PAX3: variants seen among roughly 807,000 people sequenced by gnomAD.
PAX3 encodes paired box 3.
PAX3 carries 14 observed loss-of-function variants against 51.6 expected under a neutral mutation model. That is an observed-to-expected ratio of 0.27 (90% CI 0.18 to 0.42). The LOEUF is 0.42. PAX3 is among the 10% of genes least tolerant of loss of function. The pLI is 1.00. For synonymous variants in PAX3, 280 were observed against 253.4 expected (o/e 1.11, Z -1.00); for missense variants, 540 against 642.8 (o/e 0.84, Z 1.73).
Position 222,294,294 on chromosome 2 carries a change from G to A in PAX3, c.459C>T (p.Ser153=), listed in dbSNP as rs951868879. ...CDRNTVPSVS[S]ISRILRSKFG... is the part of the protein sequence containing the mutation. ...ATTTACTTCTCAGGATGCGGCTGAT[G>A]GAACTCACTGGGGGCGGGAGGAGGA... is the stretch of plus-strand genomic sequence containing the variant. The change falls in exon 4 of 9, where the codon TCC becomes TCT. Residue 153 remains serine (S), a synonymous_variant. Transcript: ENST00000392070. The A allele has an allele frequency of 9.9e-6, 16 of 1,614,074 alleles. No homozygotes were observed. The Admixed American group carries it at 2.0e-4, about 20-fold the overall frequency.
intron 4 of PAX3, among the ~76,000 whole-genome samples, chr2:222,276,122 C>A (rs1342904521): frequency 2.0e-5 from 3 of 152,288 alleles, no homozygotes; most frequent in South Asian, 2.1e-4. Flanking sequence ...CAGGCATAGA[C>A]GAAAGAGGGA....
rs761650816 is a variant in PAX3 at position 222,221,193 on chromosome 2, T to G, written c.958+29A>C. 11 of 1,611,106 alleles carry G rather than the reference T, an allele frequency of 6.8e-6. 1 individual carries two copies. The Admixed American group carries it at 1.5e-4, about 22-fold the overall frequency. ...CCAGAGAAATCGCCTGGAAGTTACT[T>G]TCTAATCTCCTTGACTCTTCCTCGG... On this transcript the variant is annotated intron_variant, in intron 6 of 8. Coordinates refer to ENST00000392070, the MANE Select transcript of PAX3 (RefSeq NM_181458.4).
chr2:222,290,148 A>G (rs536752439), intron 4 of PAX3, among the ~76,000 whole-genome samples: 23 of 152,302 alleles, frequency 1.5e-4, no homozygotes, highest in African/African-American at 5.3e-4. Context: ...CAGTCCCTTA[A>G]TGATAAGAGT....
At chr2:222,260,566 TTTTTTTTTTTTG>T (rs772730396) in intron 4 of PAX3, among the ~76,000 whole-genome samples, 3,626 of 60,198 alleles carry the variant, frequency 0.06, 93 homozygotes, top group African/African-American at 0.11. Context: ...TTTTTTTTTG[TTTTTTTTTTTTG>T]TTTTTTTTTT....
Position 222,221,291 on chromosome 2 carries a change from T to C in PAX3, c.889A>G (p.Thr297Ala). Residue 297 changes from threonine (T) to alanine (A), a missense_variant, in exon 6 of 9, where the codon ACT (threonine) becomes GCT (alanine). This residue lies in a region of PAX3 where 427 missense variants were observed against 483.6 expected (regional missense o/e 0.88). Coordinates refer to ENST00000392070, the MANE Select transcript of PAX3 (RefSeq NM_181458.4). Reference sequence around the variant, plus strand: ...TACGTTGGCAAGGTCGGCATGGCAGTGGGAGGGAACCCCCCGGGAATGAGA... The same window carrying C: ...TACGTTGGCAAGGTCGGCATGGCAGCGGGAGGGAACCCCCCGGGAATGAGA... Reference protein sequence around the residue: ...NHLIPGGFPPTAMPTLPTYQL... With the variant: ...NHLIPGGFPPAAMPTLPTYQL... The C allele has an allele frequency of 3.7e-6, 6 of 1,614,090 alleles. No homozygotes were observed. Among genetic ancestry groups the C allele is most frequent in the Non-Finnish European group, 5.1e-6 (6 of 1,179,950 alleles).
chr2:222,262,378 G>T (rs753882563), intron 4 of PAX3, among the ~76,000 whole-genome samples: 11 of 151,630 alleles, frequency 7.3e-5, no homozygotes, highest in Non-Finnish European at 1.5e-4. Context: ...TTTTTTTTCT[G>T]GTGTAGTTAT....
chr2:222,275,911 A>C (rs1055963482), intron 4 of PAX3, among the ~76,000 whole-genome samples: 3 of 152,198 alleles, frequency 2.0e-5, no homozygotes, highest in African/African-American at 7.2e-5. Context: ...GTTAAGAGCA[A>C]ACTCTTGTTT....
intron 4 of PAX3, among the ~76,000 whole-genome samples, chr2:222,270,383 C>T (rs1472770665): frequency 1.3e-5 from 2 of 152,194 alleles, no homozygotes; most frequent in Non-Finnish European, 2.9e-5. Flanking sequence ...ATGTTACCCT[C>T]AATGACGTAC....
intron 4 of PAX3, among the ~76,000 whole-genome samples, chr2:222,243,602 G>T (rs1025201823): frequency 3.9e-5 from 6 of 152,198 alleles, no homozygotes; most frequent in African/African-American, 1.2e-4. Flanking sequence ...ACCTAGATAT[G>T]TTATTTACTA....
chr2:222,271,760 A>G (rs1460117852), intron 4 of PAX3, among the ~76,000 whole-genome samples: 1 of 152,194 alleles, frequency 6.6e-6, no homozygotes, highest in African/African-American at 2.4e-5. Flanking sequence ...AGTAAAATTT[A>G]TATTCCCAAG....
chr2:222,293,822 T>G, intron 4 of PAX3: 1 of 1,613,808 alleles, frequency 6.2e-7, no homozygotes, highest in Non-Finnish European at 8.5e-7. Context: ...GGCCCTACAA[T>G]TGCTCAGAGA....
chr2:222,241,834 C>G (rs1443629481), intron 4 of PAX3, among the ~76,000 whole-genome samples: 1 of 152,162 alleles, frequency 6.6e-6, no homozygotes, highest in Non-Finnish European at 1.5e-5. Context: ...ATTAAATATG[C>G]ATTTCTAAGA....
intron 7 of PAX3, among the ~76,000 whole-genome samples, chr2:222,206,615 G>A (rs962193695): frequency 1.3e-5 from 2 of 152,062 alleles, no homozygotes; most frequent in African/African-American, 4.8e-5. Context: ...ATTCCAAATA[G>A]GTTGTTTATA....
chr2:222,229,548 C>G (rs1417869910), intron 5 of PAX3, among the ~76,000 whole-genome samples: 1 of 152,082 alleles, frequency 6.6e-6, no homozygotes, highest in Non-Finnish European at 1.5e-5. Flanking sequence ...TCACCACCAT[C>G]TCTTCCTTGC....
At position 222,290,987 on chromosome 2, in the gene PAX3, A is replaced by C. The variant is rs564483766; in HGVS notation, c.586+3180T>G. On this transcript the variant is annotated intron_variant, in intron 4 of 8. Coordinates refer to ENST00000392070, the MANE Select transcript of PAX3 (RefSeq NM_181458.4). ...CTGTGTCTAGATGAAAGTGAGAAGG[A>C]CATAAAGGAGGCAATTGAGTCGGCT... Among the ~76,000 whole-genome samples the C allele has an allele frequency of 1.2e-4, 18 of 151,034 alleles. 1 individual carries two copies. In the South Asian group the frequency reaches 3.4e-3, roughly 28 times the overall value.
chr2:222,297,057 C>G lies in PAX3; in HGVS notation c.242G>C (p.Gly81Ala), dbSNP rs587776586. The G allele has an allele frequency of 6.2e-7, 1 of 1,614,170 alleles. No homozygotes were observed. Among genetic ancestry groups the G allele is most frequent in the Non-Finnish European group, 8.5e-7 (1 of 1,180,030 alleles). ...VISRQLRVSH[G>A]CVSKILCRYQ... ...CCTGCACAGGATCTTGGAGACGCAGCCGTGGGACACGCGCAGCTGGCGCGA... is the reference window on the plus strand; with the variant it reads ...CCTGCACAGGATCTTGGAGACGCAGGCGTGGGACACGCGCAGCTGGCGCGA... Residue 81 changes from glycine to alanine, a missense_variant, in exon 2 of 9, where the codon GGC becomes GCC. Physicochemically the swap from Gly to Ala is moderately conservative, Grantham distance 60. Transcript: ENST00000392070.
chr2:222,236,286 G>T (rs896761805), intron 4 of PAX3, among the ~76,000 whole-genome samples: 2 of 152,036 alleles, frequency 1.3e-5, no homozygotes, highest in African/African-American at 4.8e-5. Context: ...TAGAGACAGG[G>T]TCTTGCTTTG....
Position 222,275,665 on chromosome 2 carries a change from T to A in PAX3, c.586+18502A>T, listed in dbSNP as rs534823061. On this transcript the variant is annotated intron_variant, in intron 4 of 8. Transcript: ENST00000392070. ...GAAACTTAGTAAAATCTCCTCTTGA[T>A]AGGCTATGACATTTTGCTTTGGATT... Among the ~76,000 whole-genome samples, 9 of 152,346 alleles carry A rather than the reference T, an allele frequency of 5.9e-5. No homozygotes were observed. In the South Asian group the frequency reaches 1.2e-3, roughly 21 times the overall value.
chr2:222,234,621 G>A lies in PAX3; in HGVS notation c.587-2338C>T, dbSNP rs530855257. On this transcript the variant is annotated intron_variant, in intron 4 of 8. Transcript: ENST00000392070. Reference sequence around the variant, plus strand: ...ATGGTTTCAATTCAGTAGATCTGAGGTGGGCTCCAAGAGTTTGCATGTCTA... The same window carrying A: ...ATGGTTTCAATTCAGTAGATCTGAGATGGGCTCCAAGAGTTTGCATGTCTA... Among the ~76,000 whole-genome samples, 17 of 152,260 alleles carry A rather than the reference G, an allele frequency of 1.1e-4. No homozygotes were observed. In the South Asian group the frequency reaches 2.1e-3, roughly 19 times the overall value.
Sources: gnomAD v4.1 joint callset for allele counts (sites outside exome capture counted in the v4.1 genomes callset) on GRCh38, gnomAD v4.1.1 for gene constraint, gnomAD v4.1.1 regional missense constraint, MANE v1.5 for transcripts, NCBI Gene and HGNC (gene_info 2026-07-23, HGNC 2026-07-21) for gene names.